ADGRL3: variants seen among roughly 807,000 people sequenced by gnomAD.
The protein encoded by ADGRL3 is calcium-independent alpha-latrotoxin receptor 3.
A neutral mutation model predicts 153.5 loss-of-function variants in ADGRL3; 62 were observed. The observed-to-expected ratio is 0.40, with a 90% CI of 0.33 to 0.50. The LOEUF (loss-of-function observed/expected upper bound fraction) is 0.50. ADGRL3 is among the 20% of genes least tolerant of loss of function. ADGRL3 has a pLI of 0.47. For synonymous variants in ADGRL3, 710 were observed against 672.5 expected, an observed-to-expected ratio of 1.06 and a Z score of -0.86; for missense variants, 1,641 against 1,859.4, an observed-to-expected ratio of 0.88 and a Z score of 2.16.
chr4:61,369,043 T>G (rs2096466133), intron 1 of ADGRL3, among the ~76,000 whole-genome samples: 1 of 152,196 alleles, frequency 6.6e-6, no homozygotes, highest in Admixed American at 6.5e-5. Flanking sequence ...CTGTTGTTGG[T>G]GTATAGGAAT....
At chr4:61,279,730 A>AT (rs796933163) in intron 1 of ADGRL3, among the ~76,000 whole-genome samples, 1 of 151,844 alleles carries the variant, frequency 6.6e-6, no homozygotes, top group African/African-American at 2.4e-5. Context: ...TTATGTATAT[A>AT]TTTTTTCTCC....
At chr4:61,411,203 T>C (rs1010143456) in intron 2 of ADGRL3, among the ~76,000 whole-genome samples, 1 of 152,230 alleles carries the variant, frequency 6.6e-6, no homozygotes, top group Admixed American at 6.5e-5. Context: ...TTTCTGATCA[T>C]ATATTACATT....
intron 1 of ADGRL3, among the ~76,000 whole-genome samples, chr4:61,236,166 C>A (rs1403471697): frequency 6.6e-6 from 1 of 151,938 alleles, no homozygotes; most frequent in Non-Finnish European, 1.5e-5. Context: ...CCCACCACTA[C>A]ACCTGGCTAA....
intron 2 of ADGRL3, among the ~76,000 whole-genome samples, chr4:61,479,183 T>C (rs2098102958): frequency 6.6e-6 from 1 of 152,110 alleles, no homozygotes; most frequent in South Asian, 2.1e-4. Flanking sequence ...TTTTTTTCTT[T>C]TTTTGACACC....
chr4:61,540,274 C>T lies in ADGRL3; in HGVS notation c.259+22756C>T, dbSNP rs148533529. Among the ~76,000 whole-genome samples, 475 of 152,250 alleles carry T rather than the reference C, an allele frequency of 3.1e-3. 3 individuals carry two copies. Among genetic ancestry groups the T allele is most frequent in the African/African-American group, 9.2e-3 (383 of 41,548 alleles). ...TTAAATACAGTGGAAATCTGCCAGG[C>T]GTGGTGGCTTATGCCTGTAATCCCA... On this transcript the variant is annotated intron_variant, in intron 4 of 26. Coordinates refer to ENST00000683033, the MANE Select transcript of ADGRL3 (RefSeq NM_001387552.1).
At chr4:61,294,907 A>G (rs60440385) in intron 1 of ADGRL3, among the ~76,000 whole-genome samples, 1 of 33,832 alleles carries the variant, frequency 3.0e-5, no homozygotes, top group African/African-American at 9.5e-5. Flanking sequence ...ACACACTCAC[A>G]CACACACACA....
At chr4:61,949,889 G>A (rs565424822) in intron 17 of ADGRL3, among the ~76,000 whole-genome samples, 8 of 152,064 alleles carry the variant, frequency 5.3e-5, no homozygotes, top group Non-Finnish European at 7.4e-5. Flanking sequence ...CACTTTATGC[G>A]AAAGTTAAAG....
At chr4:61,226,908 A>G (rs1208892526) in intron 1 of ADGRL3, among the ~76,000 whole-genome samples, 1 of 152,186 alleles carries the variant, frequency 6.6e-6, no homozygotes, top group Non-Finnish European at 1.5e-5. Flanking sequence ...AAATTTAGAT[A>G]TTTGAACTCT....
chr4:61,860,444 G>T (rs2098328735), intron 9 of ADGRL3, among the ~76,000 whole-genome samples: 1 of 151,978 alleles, frequency 6.6e-6, no homozygotes, highest in African/African-American at 2.4e-5. Flanking sequence ...TCGGAAAAAT[G>T]AACAAATTTG....
intron 18 of ADGRL3, among the ~76,000 whole-genome samples, chr4:61,981,847 A>G (rs1405584689): frequency 6.6e-6 from 1 of 152,210 alleles, no homozygotes. Flanking sequence ...AGTTGGATTC[A>G]TGTTTGTGAT....
intron 25 of ADGRL3, among the ~76,000 whole-genome samples, chr4:62,059,411 T>C (rs1738861245): frequency 6.6e-6 from 1 of 152,074 alleles, no homozygotes; most frequent in Non-Finnish European, 1.5e-5. Context: ...GTAGAGTTAA[T>C]TTCAGAAACA....
At chr4:61,615,479 G>C (rs546144401) in intron 5 of ADGRL3, among the ~76,000 whole-genome samples, 1 of 152,186 alleles carries the variant, frequency 6.6e-6, no homozygotes, top group South Asian at 2.1e-4. Context: ...TATTCAAATT[G>C]AATTTTGAAA....
Position 61,341,414 on chromosome 4 carries a change from C to T in ADGRL3, c.-239-41710C>T, listed in dbSNP as rs1406553003. Among the ~76,000 whole-genome samples the T allele has an allele frequency of 5.3e-5, 8 of 151,732 alleles. No homozygotes were observed. In the East Asian group the frequency reaches 1.5e-3, roughly 29 times the overall value. On this transcript the variant is annotated intron_variant, in intron 1 of 26. Coordinates refer to ENST00000683033, the MANE Select transcript of ADGRL3 (RefSeq NM_001387552.1). The stretch of plus-strand genomic sequence containing the variant: ...TAAAATAAAAAGTATGAACCTCGAA[C>T]CCCTAACTTCACTGCCCACAGCAAA...
rs1177917269 is a variant in ADGRL3 at position 61,261,196 on chromosome 4, T to G, written c.-240+59431T>G. Among the ~76,000 whole-genome samples the G allele has an allele frequency of 4.1e-3, 604 of 148,544 alleles. 5 individuals carry two copies. Among genetic ancestry groups the G allele is most frequent in the Non-Finnish European group, 5.9e-3 (396 of 66,916 alleles). On this transcript the variant is annotated intron_variant, in intron 1 of 26. Transcript: ENST00000683033. ...GTTCTTTTTCATCTTCTTCTTTTTT[T>G]TTTTTTTTTTTTTTTAAAGGAGACA...
rs1000989990 is a variant in ADGRL3, at chr4:61,372,247, G to A, written c.-239-10877G>A. Among the ~76,000 whole-genome samples, 95 of 152,242 alleles carry A rather than the reference G, an allele frequency of 6.2e-4. 1 individual carries two copies. Among genetic ancestry groups the A allele is most frequent in the African/African-American group, 2.2e-4 (9 of 41,526 alleles). On this transcript the variant is annotated intron_variant, in intron 1 of 26. Coordinates refer to ENST00000683033, the MANE Select transcript of ADGRL3 (RefSeq NM_001387552.1). ...TCTCAGCTCGTCAAAGTCATTCTCC[G>A]TCCAGCTTTGTTCCGTTGCTGGTGA...
At chr4:61,500,267 A>T (rs1371719960) in intron 3 of ADGRL3, among the ~76,000 whole-genome samples, 1 of 152,174 alleles carries the variant, frequency 6.6e-6, no homozygotes, top group Non-Finnish European at 1.5e-5. Flanking sequence ...TATAAACTTT[A>T]TCCTTTATTT....
chr4:61,341,564 A>C (rs2095809146), intron 1 of ADGRL3, among the ~76,000 whole-genome samples: 1 of 151,730 alleles, frequency 6.6e-6, no homozygotes, highest in Non-Finnish European at 1.5e-5. Flanking sequence ...ATGCACATGT[A>C]ATGCATAAGA....
chr4:62,015,004 C>T lies in ADGRL3; in HGVS notation c.3396-13851C>T, dbSNP rs566075221. On this transcript the variant is annotated intron_variant, in intron 21 of 26. Coordinates refer to ENST00000683033, the MANE Select transcript of ADGRL3 (RefSeq NM_001387552.1). ...TTTTAAAATGCTATTTTTTCTTTAC[C>T]TCATTTGAAAAGTGCTGAAAGTATA... is the stretch of plus-strand genomic sequence containing the variant. 6.6e-5 allele frequency among the ~76,000 whole-genome samples: 10 copies of T among 152,108 alleles called. 1 individual carries two copies. The South Asian group carries it at 1.4e-3, about 22-fold the overall frequency.
At chr4:61,573,382 A>G (rs916198605) in intron 4 of ADGRL3, among the ~76,000 whole-genome samples, 5 of 151,952 alleles carry the variant, frequency 3.3e-5, no homozygotes, top group Non-Finnish European at 7.4e-5. Context: ...TAAAGAAAAT[A>G]TTTATTTTCA....
Sources: allele counts gnomAD v4.1 joint callset (sites outside exome capture counted in the v4.1 genomes callset), GRCh38; gene constraint gnomAD v4.1.1; transcripts MANE v1.5; gene names NCBI Gene and HGNC (gene_info 2026-07-23, HGNC 2026-07-21).